KCNJ3: variants seen among roughly 807,000 people sequenced by gnomAD.
KCNJ3 encodes the protein G protein-activated inward rectifier potassium channel 1.
In KCNJ3, 4 loss-of-function variants were observed where a neutral mutation model predicts 39.2. The observed-to-expected ratio is 0.10, with a 90% CI of 0.05 to 0.23. KCNJ3 has a LOEUF of 0.23. KCNJ3 is among the 10% of genes least tolerant of loss of function. The probability of loss-of-function intolerance (pLI) is 1.00; values close to 1 mark genes in which losing one functional copy is unlikely to be tolerated. For missense variants in KCNJ3, 276 were observed against 634.9 expected (o/e 0.43, Z 6.08); for synonymous variants, 230 against 237.4 (o/e 0.97, Z 0.29).
At position 154,858,241 on chromosome 2, in the gene KCNJ3, TC is replaced by T. The variant is rs1431082256; in HGVS notation, c.*2931del. 1 of 152,178 alleles carries T rather than the reference TC, an allele frequency of 6.6e-6. No homozygotes were observed. The highest frequency in any genetic ancestry group is 1.9e-4 in the East Asian group (1 of 5,192). The allele number at this position is 152,178 out of a possible 1,614,324, so 9.4% of individuals were successfully genotyped here. On this transcript the variant is annotated 3_prime_UTR_variant, in exon 3 of 3. Coordinates refer to ENST00000295101, the MANE Select transcript of KCNJ3 (RefSeq NM_002239.4). Reference sequence around the variant, plus strand: ...GTACCTGTGTAATTATTGGTAGCACTCCCTTTCACTCTTACAATGTCTTGGT... The same window carrying T: ...GTACCTGTGTAATTATTGGTAGCACTCCTTTCACTCTTACAATGTCTTGGT...
intron 2 of KCNJ3, among the ~76,000 whole-genome samples, chr2:154,841,309 T>G (rs928013491): frequency 6.6e-6 from 1 of 152,230 alleles, no homozygotes; most frequent in African/African-American, 2.4e-5. Context: ...ATAAGCTTTT[T>G]GATGTGCTGC....
chr2:154,753,843 T>A (rs572313887), intron 2 of KCNJ3, among the ~76,000 whole-genome samples: 3 of 152,326 alleles, frequency 2.0e-5, no homozygotes, highest in Non-Finnish European at 4.4e-5. Flanking sequence ...ATCCTTTTTT[T>A]AGAAAACATA....
At chr2:154,821,078 A>T (rs1212627168) in intron 2 of KCNJ3, among the ~76,000 whole-genome samples, 1 of 152,134 alleles carries the variant, frequency 6.6e-6, no homozygotes, top group Non-Finnish European at 1.5e-5. Flanking sequence ...ATTCTTTTCC[A>T]TGCTCAAATT....
intron 2 of KCNJ3, among the ~76,000 whole-genome samples, chr2:154,727,609 AAG>A (rs929585113): frequency 6.6e-6 from 1 of 150,944 alleles, no homozygotes; most frequent in East Asian, 1.9e-4. Context: ...AAAAAAAAAA[AAG>A]AGAGAAAAAG....
chr2:154,729,359 A>G (rs1685414597), intron 2 of KCNJ3, among the ~76,000 whole-genome samples: 2 of 152,218 alleles, frequency 1.3e-5, no homozygotes, highest in African/African-American at 4.8e-5. Flanking sequence ...TAATTTTTAA[A>G]TGCAATAAAA....
At chr2:154,824,241 G>A (rs141936320) in intron 2 of KCNJ3, among the ~76,000 whole-genome samples, 138 of 152,178 alleles carry the variant, frequency 9.1e-4, no homozygotes, top group African/African-American at 3.1e-3. Flanking sequence ...GGGCTGAGGC[G>A]GGGAGGATCA....
At chr2:154,738,971 A>T (rs900206667) in intron 2 of KCNJ3, among the ~76,000 whole-genome samples, 1 of 152,124 alleles carries the variant, frequency 6.6e-6, no homozygotes, top group Non-Finnish European at 1.5e-5. Flanking sequence ...AAACCCACCC[A>T]AAGTTCTTAC....
chr2:154,798,501 T>C (rs774134503), intron 2 of KCNJ3, among the ~76,000 whole-genome samples: 2 of 152,196 alleles, frequency 1.3e-5, no homozygotes, highest in Admixed American at 1.3e-4. Flanking sequence ...TATTAAGGGA[T>C]GACTAGCCTT....
At chr2:154,785,585 G>A (rs569167756) in intron 2 of KCNJ3, among the ~76,000 whole-genome samples, 130 of 152,158 alleles carry the variant, frequency 8.5e-4, no homozygotes, top group African/African-American at 2.9e-3. Flanking sequence ...AAGGTTCATC[G>A]GCTCCCACAC....
chr2:154,722,508 T>G (rs1449491932), intron 2 of KCNJ3, among the ~76,000 whole-genome samples: 2 of 152,178 alleles, frequency 1.3e-5, no homozygotes, highest in African/African-American at 4.8e-5. Flanking sequence ...TTTAAATAAC[T>G]GAATGACATT....
intron 2 of KCNJ3, among the ~76,000 whole-genome samples, chr2:154,747,282 C>A (rs1192508266): frequency 6.6e-6 from 1 of 151,710 alleles, no homozygotes; most frequent in African/African-American, 2.4e-5. Flanking sequence ...GGCTATGGTC[C>A]CTAATTCTTG....
At chr2:154,842,013 G>GTTCT (rs1466662254) in intron 2 of KCNJ3, among the ~76,000 whole-genome samples, 1 of 151,898 alleles carries the variant, frequency 6.6e-6, no homozygotes, top group Non-Finnish European at 1.5e-5. Context: ...TGCTTCTCTA[G>GTTCT]TTCTTTTAAT....
At chr2:154,801,770 G>T (rs1431118992) in intron 2 of KCNJ3, among the ~76,000 whole-genome samples, 1 of 151,924 alleles carries the variant, frequency 6.6e-6, no homozygotes, top group Non-Finnish European at 1.5e-5. Context: ...GACACTACAG[G>T]TGTGTGCCAC....
chr2:154,744,211 G>C (rs1558862362), intron 2 of KCNJ3, among the ~76,000 whole-genome samples: 1 of 151,588 alleles, frequency 6.6e-6, no homozygotes, highest in Admixed American at 6.6e-5. Context: ...ATGATGTATA[G>C]TTCTTTTTAT....
At chr2:154,789,616 A>G (rs1032446684) in intron 2 of KCNJ3, among the ~76,000 whole-genome samples, 3 of 152,084 alleles carry the variant, frequency 2.0e-5, no homozygotes, top group African/African-American at 7.2e-5. Context: ...TAGCCAGAAC[A>G]TACATATAGT....
chr2:154,804,961 C>T (rs575626511), intron 2 of KCNJ3, among the ~76,000 whole-genome samples: 1 of 152,038 alleles, frequency 6.6e-6, no homozygotes, highest in East Asian at 1.9e-4. Flanking sequence ...CACCACATTA[C>T]AAATGGATTA....
rs70983747 is a variant in KCNJ3, at chr2:154,857,886, CAAAAAAAAAA to C, written c.*2605_*2614del. The stretch of plus-strand genomic sequence containing the variant: ...ACAGTGCGAGACTCCATCTCAACAT[CAAAAAAAAAA>C]AAAAAAAAAAAAAAAAAAAAAAAAA... On this transcript the variant is annotated 3_prime_UTR_variant, in exon 3 of 3. Transcript: ENST00000295101. 6 of 41,960 alleles carry C rather than the reference CAAAAAAAAAA, an allele frequency of 1.4e-4. No homozygotes were observed. The highest frequency in any genetic ancestry group is 2.9e-4 in the African/African-American group (2 of 6,944). The allele number at this position is 41,960 out of a possible 1,614,324, so 2.6% of individuals were successfully genotyped here.
intron 2 of KCNJ3, among the ~76,000 whole-genome samples, chr2:154,854,313 G>A (rs1449660688): frequency 6.6e-6 from 1 of 152,080 alleles, no homozygotes; most frequent in Non-Finnish European, 1.5e-5. Context: ...TATTTTCTAA[G>A]TTTACACAAT....
At chr2:154,798,762 G>T (rs895324691) in intron 2 of KCNJ3, among the ~76,000 whole-genome samples, 1 of 152,166 alleles carries the variant, frequency 6.6e-6, no homozygotes, top group Admixed American at 6.6e-5. Flanking sequence ...GTTGCATATT[G>T]CAAAATTACC....
Sources: gnomAD v4.1 joint callset for allele counts (sites outside exome capture counted in the v4.1 genomes callset) on GRCh38, gnomAD v4.1.1 for gene constraint, MANE v1.5 for transcripts, NCBI Gene and HGNC (gene_info 2026-07-23, HGNC 2026-07-21) for gene names.